The following LARS2 variants were observed in gnomAD, a reference collection of about 807,000 sequenced individuals.
The protein encoded by LARS2 is leucyl-tRNA synthetase 2, mitochondrial, also known as leucine--tRNA ligase, mitochondrial.
In LARS2, 81 loss-of-function variants were observed where a neutral mutation model predicts 116.6. The ratio of observed to expected loss-of-function variants is 0.69; its 90% CI spans 0.58 to 0.84. The LOEUF (loss-of-function observed/expected upper bound fraction) is 0.84, where lower values mean the gene tolerates loss of function less well. LARS2 is among the 40% of genes least tolerant of loss of function. The pLI, the probability that LARS2 is intolerant of heterozygous loss-of-function variation, is 0.00. For synonymous variants in LARS2, 396 were observed against 407.2 expected (o/e 0.97, Z 0.33); for missense variants, 968 against 1,114.5 (o/e 0.87, Z 1.87).
intron 10 of LARS2, among the ~76,000 whole-genome samples, chr3:45,484,630 A>AAAAAAAAAATATATATATATAT (rs1553634443): frequency 1.0e-4 from 1 of 9,746 alleles, no homozygotes; most frequent in African/African-American, 1.8e-4. Flanking sequence ...AAAAAAAAAA[A>AAAAAAAAAATATATATATATAT]ATATATATAT....
intron 4 of LARS2, 124 bp from the exon 5 acceptor site, chr3:45,417,358 C>A: frequency 2.7e-6 from 2 of 747,982 alleles, no homozygotes. Context: ...GATGCATAAC[C>A]TGAAAACATC....
At chr3:45,424,675 TA>T (rs1184553539) in intron 6 of LARS2, among the ~76,000 whole-genome samples, 1 of 152,224 alleles carries the variant, frequency 6.6e-6, no homozygotes, top group African/African-American at 2.4e-5. Flanking sequence ...CTTGTTTTTT[TA>T]TTCTTTTCTT....
chr3:45,400,634 C>T (rs1295946887), intron 4 of LARS2, among the ~76,000 whole-genome samples: 1 of 152,052 alleles, frequency 6.6e-6, no homozygotes, highest in African/African-American at 2.4e-5. Context: ...AAGGTAGATA[C>T]AAATGTGGAT....
At chr3:45,434,657 G>A (rs1036379743) in intron 6 of LARS2, among the ~76,000 whole-genome samples, 1 of 152,188 alleles carries the variant, frequency 6.6e-6, no homozygotes. Context: ...TATTGAAACC[G>A]AGATATTTGG....
intron 20 of LARS2, among the ~76,000 whole-genome samples, chr3:45,535,776 C>A (rs267249): frequency 0.63 from 78,142 of 123,822 alleles, 23,398 homozygotes; most frequent in East Asian, 0.81. Flanking sequence ...ACCCCCACAC[C>A]CACATACACA....
chr3:45,474,358 A>G lies in LARS2; in HGVS notation c.858+8A>G. 1.3e-6 allele frequency: 2 copies of G among 1,541,132 alleles called. No homozygotes were observed. Among genetic ancestry groups the G allele is most frequent in the Non-Finnish European group, 8.9e-7 (1 of 1,117,500 alleles). On this transcript the variant is annotated splice_region_variant and intron_variant, in intron 9 of 21. Transcript: ENST00000645846. Reference sequence around the variant, plus strand: ...CTGGACTTCACATTAAAGGTGATTAAGTAATAGCAGCTCCAGCAATTCATG... The same window carrying G: ...CTGGACTTCACATTAAAGGTGATTAGGTAATAGCAGCTCCAGCAATTCATG...
At chr3:45,433,052 AACTT>A (rs1285117339) in intron 6 of LARS2, among the ~76,000 whole-genome samples, 3 of 152,048 alleles carry the variant, frequency 2.0e-5, no homozygotes, top group African/African-American at 7.2e-5. Context: ...CACTTCTTTT[AACTT>A]ACTTCATCTT....
intron 8 of LARS2, among the ~76,000 whole-genome samples, chr3:45,459,560 T>C (rs1257768743): frequency 1.3e-5 from 2 of 152,216 alleles, no homozygotes; most frequent in African/African-American, 4.8e-5. Flanking sequence ...TCTTTCCGTG[T>C]TCAGAGATTC....
chr3:45,516,012 C>A, intron 16 of LARS2, 82 bp from the exon 17 acceptor site: 7 of 1,097,460 alleles, frequency 6.4e-6, no homozygotes, highest in Non-Finnish European at 9.2e-6. Context: ...ATCGCTCACC[C>A]AGTTTTTACT....
intron 7 of LARS2, among the ~76,000 whole-genome samples, chr3:45,457,446 A>G (rs1439711236): frequency 1.3e-5 from 2 of 152,238 alleles, no homozygotes; most frequent in East Asian, 1.9e-4. Context: ...TGGGAGGCCA[A>G]GGCGGGTGGA....
In LARS2 at chr3:45,491,685, A is replaced by G. The variant is rs374512213; in HGVS notation, c.1408A>G (p.Thr470Ala). ...PIVHCPVCGP[T>A]PVPLEDLPVT... The stretch of plus-strand genomic sequence containing the variant: ...TGTCCACTGCCCAGTCTGTGGCCCC[A>G]CACCTGTGCCCCTGGAGGACTTGCC... Residue 470 changes from threonine (T) to alanine (A), a missense_variant, in exon 13 of 22, where the codon ACA (threonine) becomes GCA (alanine). Transcript: ENST00000645846. The G allele has an allele frequency of 1.1e-4, 184 of 1,614,056 alleles. 2 individuals carry two copies. The South Asian group carries it at 1.7e-3, about 15-fold the overall frequency.
chr3:45,531,052 G>A (rs987767763), intron 20 of LARS2, among the ~76,000 whole-genome samples: 4 of 152,132 alleles, frequency 2.6e-5, no homozygotes, highest in African/African-American at 9.7e-5. Flanking sequence ...TTGTAGAATA[G>A]AATCTCTTTC....
intron 21 of LARS2, among the ~76,000 whole-genome samples, chr3:45,544,163 A>G (rs767617453): frequency 1.3e-5 from 2 of 152,144 alleles, no homozygotes; most frequent in Non-Finnish European, 2.9e-5. Flanking sequence ...ATTCAGTTCA[A>G]TTGTGCCCAT....
At chr3:45,514,614 T>C (rs971683173) in intron 16 of LARS2, among the ~76,000 whole-genome samples, 1 of 152,202 alleles carries the variant, frequency 6.6e-6, no homozygotes, top group African/African-American at 2.4e-5. Flanking sequence ...GTGCAGTTTG[T>C]GCGCTACACA....
chr3:45,455,336 G>A (rs953579741), intron 7 of LARS2, among the ~76,000 whole-genome samples: 2 of 151,996 alleles, frequency 1.3e-5, no homozygotes, highest in African/African-American at 4.8e-5. Flanking sequence ...GAGGTTTGCC[G>A]GGGACAAGAG....
At chr3:45,396,965 A>T (rs946742032) in intron 3 of LARS2, among the ~76,000 whole-genome samples, 3 of 152,210 alleles carry the variant, frequency 2.0e-5, no homozygotes, top group Admixed American at 6.5e-5. Context: ...CAAAGCTAGG[A>T]CCAGAACTGG....
chr3:45,453,125 C>T (rs186875935), intron 7 of LARS2, among the ~76,000 whole-genome samples: 1 of 151,882 alleles, frequency 6.6e-6, no homozygotes, highest in Admixed American at 6.5e-5. Flanking sequence ...ATTTTATTGG[C>T]CTTTTTCTTT....
intron 21 of LARS2, among the ~76,000 whole-genome samples, chr3:45,543,471 A>ATT (rs531541366): frequency 1.6e-5 from 2 of 128,668 alleles, no homozygotes; most frequent in East Asian, 2.2e-4. Context: ...TTATTTTTTT[A>ATT]TTTTTTTTTT....
rs1384070677 is a variant in LARS2 at position 45,474,436 on chromosome 3, A to G, written c.858+86A>G. On this transcript the variant is annotated intron_variant, in intron 9 of 21. Coordinates refer to ENST00000645846, the MANE Select transcript of LARS2 (RefSeq NM_015340.4). ...TCACTGAGTAAACCAGCAACTTGGG[A>G]CTCCACAGCACCACAGTCCAAACGT... is the stretch of plus-strand genomic sequence containing the variant. 3 of 734,054 alleles carry G rather than the reference A, an allele frequency of 4.1e-6. No individual in the cohort carries two copies. In the African/African-American group the frequency reaches 5.1e-5, roughly 13 times the overall value. The allele number at this position is 734,054 out of a possible 1,614,324, so 45.5% of individuals were successfully genotyped here.
Sources: gnomAD v4.1 joint callset for allele counts (sites outside exome capture counted in the v4.1 genomes callset) on GRCh38, gnomAD v4.1.1 for gene constraint, MANE v1.5 for transcripts, NCBI Gene and HGNC (gene_info 2026-07-23, HGNC 2026-07-21) for gene names.